WDR93: variants seen among roughly 807,000 people sequenced by gnomAD.
WDR93 encodes WD repeat-containing protein 93.
In WDR93, 73 loss-of-function variants were observed where a neutral mutation model predicts 82.9. The observed-to-expected ratio is 0.88, with a 90% CI of 0.73 to 1.07. The LOEUF (loss-of-function observed/expected upper bound fraction) is 1.07. WDR93 is among the 50% of genes least tolerant of loss of function. WDR93 has a pLI of 0.00. For missense variants in WDR93, 738 were observed against 826.0 expected (o/e 0.89, Z 1.31); for synonymous variants, 283 against 300.1 (o/e 0.94, Z 0.59).
upstream of WDR93, chr15:89,690,748 G>C (rs1341753711): frequency 4.5e-6 from 3 of 661,778 alleles, no homozygotes; most frequent in African/African-American, 1.9e-5. Flanking sequence ...GAGGGGCTGA[G>C]TCTCTCCGCC....
Position 89,703,313 on chromosome 15 carries a change from A to G in WDR93, c.496+171A>G. The G allele has an allele frequency of 4.3e-6, 3 of 691,030 alleles. No individual in the cohort carries two copies. The South Asian group carries it at 5.8e-5, about 13-fold the overall frequency. The allele number at this position is 691,030 out of a possible 1,614,324, so 42.8% of individuals were successfully genotyped here. On this transcript the variant is annotated intron_variant, in intron 3 of 16. Coordinates refer to ENST00000268130, the MANE Select transcript of WDR93 (RefSeq NM_020212.2). ...ATGGTGGGTCAGATACTGTTCTACCATTTCACATGTGCTAGCCCATTTAAT... is the reference window on the plus strand; with the variant it reads ...ATGGTGGGTCAGATACTGTTCTACCGTTTCACATGTGCTAGCCCATTTAAT...
Position 89,716,913 on chromosome 15 carries a change from C to T in WDR93, c.759C>T (p.Asn253=), listed in dbSNP as rs761246973. ...PKKKVRQPQL[N]SLGPISADPL... Reference sequence around the variant, plus strand: ...TAATTTCTCATTTTTCTTCTCAGAACTCCCTTGGTCCCATTTCTGCAGATC... The same window carrying T: ...TAATTTCTCATTTTTCTTCTCAGAATTCCCTTGGTCCCATTTCTGCAGATC... The change falls in exon 7 of 17, where the codon AAC becomes AAT. Residue 253 remains asparagine (N), a splice_region_variant and synonymous_variant. Coordinates refer to ENST00000268130, the MANE Select transcript of WDR93 (RefSeq NM_020212.2). 1.3e-6 allele frequency: 2 copies of T among 1,567,110 alleles called. No individual in the cohort carries two copies. The highest frequency in any genetic ancestry group is 1.7e-6 in the Non-Finnish European group (2 of 1,155,388).
In WDR93 at chr15:89,733,255, G is replaced by T. The variant is rs749739645; in HGVS notation, c.1544+36G>T. 1.0e-5 allele frequency: 16 copies of T among 1,581,864 alleles called. No homozygotes were observed. The East Asian group carries it at 3.6e-4, about 36-fold the overall frequency. On this transcript the variant is annotated intron_variant, in intron 13 of 16. Coordinates refer to ENST00000268130, the MANE Select transcript of WDR93 (RefSeq NM_020212.2). ...TGAGGGTGGGACGGGGTAAATAATT[G>T]GCCAGATTATTTTAATTGCTATTTG...
At position 89,731,568 on chromosome 15, in the gene WDR93, T is replaced by C. The variant is rs745827097; in HGVS notation, c.1330+6T>C. 3.1e-6 allele frequency: 5 copies of C among 1,613,886 alleles called. No homozygotes were observed. The African/African-American group carries it at 5.3e-5, about 17-fold the overall frequency. ...GCTGTGGGACCTGGCCAAAGGTAAG[T>C]CCTCCCTGCCTCTCTACCTAGTACC... On this transcript the variant is annotated splice_donor_region_variant and intron_variant, in intron 12 of 16. Coordinates refer to ENST00000268130, the MANE Select transcript of WDR93 (RefSeq NM_020212.2).
chr15:89,731,241 T>G (rs1966855829), intron 11 of WDR93, among the ~76,000 whole-genome samples: 1 of 152,196 alleles, frequency 6.6e-6, no homozygotes, highest in Admixed American at 6.5e-5. Context: ...AGAGTAATAA[T>G]AAACAGTGTG....
At chr15:89,729,174 T>C in intron 10 of WDR93, 81 bp downstream of exon 10, 1 of 1,337,314 alleles carries the variant, frequency 7.5e-7, no homozygotes, top group African/African-American at 1.4e-5. Flanking sequence ...ACAGAGATGT[T>C]CCCCAACAAA....
At chr15:89,718,981 A>G (rs1239686386) in intron 7 of WDR93, among the ~76,000 whole-genome samples, 2 of 152,194 alleles carry the variant, frequency 1.3e-5, no homozygotes, top group Non-Finnish European at 2.9e-5. Flanking sequence ...TGAAAAATAC[A>G]GTTTTGTTTC....
intron 15 of WDR93, 77 bp downstream of exon 15, chr15:89,737,806 C>A (rs1259128617): frequency 3.2e-6 from 5 of 1,575,002 alleles, no homozygotes; most frequent in South Asian, 1.2e-5. Flanking sequence ...GAGAGCCCCT[C>A]CGATCTCCTC....
rs548613582 is a variant in WDR93 at position 89,739,821 on chromosome 15, C to A, written c.1961+1585C>A. Among the ~76,000 whole-genome samples the A allele has an allele frequency of 3.9e-5, 6 of 152,292 alleles. No homozygotes were observed. In the South Asian group the frequency reaches 1.2e-3, roughly 32 times the overall value. ...TAATGTCTCTTCACGACTGTCTCCC[C>A]CTTTCTCTGTGTAGACTCTTTACTC... On this transcript the variant is annotated intron_variant, in intron 16 of 16. Coordinates refer to ENST00000268130, the MANE Select transcript of WDR93 (RefSeq NM_020212.2).
At chr15:89,729,926 G>A (rs544933927) in intron 11 of WDR93, among the ~76,000 whole-genome samples, 157 bp downstream of exon 11, 6 of 152,240 alleles carry the variant, frequency 3.9e-5, no homozygotes, top group South Asian at 2.1e-4. Context: ...TAGTGTGACC[G>A]CAAGAATCTG....
chr15:89,720,458 AG>A (rs1360559712), intron 7 of WDR93, among the ~76,000 whole-genome samples: 1 of 151,988 alleles, frequency 6.6e-6, no homozygotes, highest in Non-Finnish European at 1.5e-5. Context: ...TTTTTAGTAG[AG>A]ATGGGGTTTC....
intron 5 of WDR93, 115 bp downstream of exon 5, chr15:89,712,219 G>A (rs1230539658): frequency 6.0e-6 from 5 of 831,658 alleles, no homozygotes; most frequent in Non-Finnish European, 5.5e-6. Context: ...ATTCAAAGAA[G>A]AGTTGCAAAG....
intron 1 of WDR93, among the ~76,000 whole-genome samples, chr15:89,700,714 G>A (rs1954304480): frequency 7.5e-6 from 1 of 133,408 alleles, no homozygotes; most frequent in Non-Finnish European, 1.6e-5. Context: ...ATACTGCCAT[G>A]CCCAGCTAAT....
chr15:89,717,993 G>A (rs16943550), intron 7 of WDR93, among the ~76,000 whole-genome samples: 1,789 of 152,204 alleles, frequency 0.012, 33 homozygotes, highest in African/African-American at 0.04. Flanking sequence ...GTAGAGTAGT[G>A]GTGAACTTCT....
intron 16 of WDR93, among the ~76,000 whole-genome samples, chr15:89,741,439 G>T (rs116585605): frequency 0.012 from 1,807 of 152,182 alleles, 39 homozygotes; most frequent in African/African-American, 0.042. Context: ...TGTTGCCCAG[G>T]CTGGTCTTGA....
At chr15:89,702,159 CAG>C in intron 2 of WDR93, 110 bp downstream of exon 2, 1 of 1,248,668 alleles carries the variant, frequency 8.0e-7, no homozygotes, top group East Asian at 2.5e-5. Context: ...TTCAATAAGT[CAG>C]TGCATTTTTG....
Position 89,703,014 on chromosome 15 carries a change from G to C in WDR93, c.368G>C (p.Gly123Ala), listed in dbSNP as rs1283686165. 5.0e-6 allele frequency: 8 copies of C among 1,614,180 alleles called. No individual in the cohort carries two copies. The East Asian group carries it at 1.8e-4, about 36-fold the overall frequency. Reference sequence around the variant, plus strand: ...TATGTGTTTATTGGAGGAGCCAAAGGATTCTCAATTTATAATCTGTACAGT... The same window carrying C: ...TATGTGTTTATTGGAGGAGCCAAAGCATTCTCAATTTATAATCTGTACAGT... ...QDYVFIGGAK[G>A]FSIYNLYSAK... Residue 123 changes from glycine to alanine, a missense_variant, in exon 3 of 17, where the codon GGA (glycine) becomes GCA (alanine). Gly to Ala is a moderately conservative substitution (Grantham distance 60, BLOSUM62 0). Coordinates refer to ENST00000268130, the MANE Select transcript of WDR93 (RefSeq NM_020212.2).
chr15:89,715,155 C>A, intron 6 of WDR93, 60 bp downstream of exon 6: 2 of 1,484,222 alleles, frequency 1.3e-6, no homozygotes, highest in Non-Finnish European at 9.2e-7. Flanking sequence ...CCACATCTAG[C>A]CCAAGTCCTT....
chr15:89,733,811 T>G (rs1178869700), intron 13 of WDR93, among the ~76,000 whole-genome samples: 1 of 152,152 alleles, frequency 6.6e-6, no homozygotes, highest in Non-Finnish European at 1.5e-5. Flanking sequence ...GCTTTATACA[T>G]TATCCAGTTT....
Sources: gnomAD v4.1 joint callset for allele counts (sites outside exome capture counted in the v4.1 genomes callset) on GRCh38, gnomAD v4.1.1 for gene constraint, MANE v1.5 for transcripts, NCBI Gene and HGNC (gene_info 2026-07-23, HGNC 2026-07-21) for gene names.